The following HNF4A variants were observed in gnomAD, a reference collection of about 807,000 sequenced individuals.
The protein encoded by HNF4A is hepatocyte nuclear factor 4-alpha.
HNF4A carries 15 observed loss-of-function variants against 52.4 expected under a neutral mutation model. The ratio of observed to expected loss-of-function variants is 0.29; its 90% CI spans 0.19 to 0.44. The LOEUF is 0.44. Ranked by LOEUF, HNF4A falls within the 20% of genes least tolerant of loss-of-function variation. The pLI, the probability that HNF4A is intolerant of heterozygous loss-of-function variation, is 1.00. For missense variants in HNF4A, 479 were observed against 647.2 expected (o/e 0.74, Z 2.82); for synonymous variants, 280 against 264.4 (o/e 1.06, Z -0.57).
upstream of HNF4A, among the ~76,000 whole-genome samples, chr20:44,399,298 T>C (rs754755369): frequency 6.6e-6 from 1 of 152,202 alleles, no homozygotes; most frequent in Non-Finnish European, 1.5e-5. Flanking sequence ...ATCATCTTTC[T>C]ATTTTACAGA....
chr20:44,433,005 T>C (rs765018090), downstream of HNF4A: 11 of 152,166 alleles, frequency 7.2e-5, no homozygotes, highest in Admixed American at 3.3e-4. Context: ...AATTTTTCAG[T>C]CTTCACATCA....
At chr20:44,424,280 G>C in intron 8 of HNF4A, 26 bp downstream of exon 8, 2 of 1,611,908 alleles carry the variant, frequency 1.2e-6, no homozygotes, top group Non-Finnish European at 1.7e-6. Context: ...AGGAGGGGCG[G>C]GGTTGGAGTG....
chr20:44,408,374 G>A (rs559988739), intron 3 of HNF4A, among the ~76,000 whole-genome samples: 1 of 152,224 alleles, frequency 6.6e-6, no homozygotes, highest in South Asian at 2.1e-4. Flanking sequence ...AGATACCAGG[G>A]ACATTTAAAA....
At chr20:44,408,700 C>T (rs908069056) in intron 3 of HNF4A, among the ~76,000 whole-genome samples, 3 of 152,114 alleles carry the variant, frequency 2.0e-5, no homozygotes, top group African/African-American at 7.2e-5. Flanking sequence ...GCACTCCAGA[C>T]TGGGCAAGAC....
At chr20:44,371,353 C>T (rs1228235256) in intron 1 of HNF4A, among the ~76,000 whole-genome samples, 2 of 152,212 alleles carry the variant, frequency 1.3e-5, no homozygotes, top group African/African-American at 4.8e-5. Flanking sequence ...TCTGGGCTCA[C>T]TGCAATCTCC....
intron 2 of HNF4A, 28 bp downstream of exon 2, chr20:44,406,260 G>A (rs781597614): frequency 6.2e-7 from 1 of 1,605,286 alleles, no homozygotes; most frequent in Non-Finnish European, 8.5e-7. Flanking sequence ...CTTCAGCTGG[G>A]AAATGGGCAC....
chr20:44,380,846 T>A (rs1352052218), intron 1 of HNF4A, among the ~76,000 whole-genome samples: 1 of 152,234 alleles, frequency 6.6e-6, no homozygotes, highest in Admixed American at 6.5e-5. Context: ...CCAAATCTAA[T>A]ATCATGAAGC....
chr20:44,361,684 A>G (rs1444221551), intron 1 of HNF4A, among the ~76,000 whole-genome samples: 1 of 151,850 alleles, frequency 6.6e-6, no homozygotes, highest in Non-Finnish European at 1.5e-5. Flanking sequence ...TCTCAAAACC[A>G]AACCAAAACA....
intron 5 of HNF4A, among the ~76,000 whole-genome samples, chr20:44,414,904 A>C (rs1441133193): frequency 6.6e-6 from 1 of 152,186 alleles, no homozygotes; most frequent in Non-Finnish European, 1.5e-5. Context: ...ATAGGTGAGG[A>C]GATTGGGGCA....
chr20:44,429,551 G>GA lies in HNF4A; in HGVS notation c.1311_1312insA (p.Pro438ThrfsTer7). 6.2e-7 allele frequency: 1 copy of GA among 1,613,936 alleles called. No individual in the cohort carries two copies. Among genetic ancestry groups the GA allele is most frequent in the Non-Finnish European group, 8.5e-7 (1 of 1,179,958 alleles). On this transcript the variant is annotated frameshift_variant, in exon 10 of 10. Coordinates refer to ENST00000316099, the MANE Select transcript of HNF4A (RefSeq NM_000457.6). LOFTEE classifies it high-confidence loss of function. ...CCCCTGAGACCCCACAGCCCTCACC[G>GA]CCAGGTGGCTCAGGGTCTGAGCCCT...
chr20:44,376,409 C>T (rs1404396603), intron 1 of HNF4A, among the ~76,000 whole-genome samples: 3 of 151,938 alleles, frequency 2.0e-5, no homozygotes, highest in African/African-American at 4.8e-5. Context: ...AGATGGTTGA[C>T]TTTTTTTTAT....
chr20:44,399,501 T>C (rs2063383230), upstream of HNF4A, among the ~76,000 whole-genome samples: 1 of 152,072 alleles, frequency 6.6e-6, no homozygotes, highest in Non-Finnish European at 1.5e-5. Flanking sequence ...TCAGATCAAG[T>C]GGACAGAATA....
chr20:44,367,472 C>T (rs1568690130), intron 1 of HNF4A, among the ~76,000 whole-genome samples: 1 of 150,248 alleles, frequency 6.7e-6, no homozygotes, highest in South Asian at 2.1e-4. Context: ...GGTGAAATGC[C>T]GTCTTTACTA....
At chr20:44,416,466 G>C (rs1408572139) in intron 5 of HNF4A, among the ~76,000 whole-genome samples, 1 of 152,266 alleles carries the variant, frequency 6.6e-6, no homozygotes, top group African/African-American at 2.4e-5. Flanking sequence ...TTCGCGATGT[G>C]AAGGCCACTG....
At chr20:44,368,156 ATATATTT>A (rs2062991566) in intron 1 of HNF4A, among the ~76,000 whole-genome samples, 1 of 12,994 alleles carries the variant, frequency 7.7e-5, no homozygotes, top group Non-Finnish European at 1.4e-4. Flanking sequence ...ATATATATAT[ATATATTT>A]TTTTTTTTTT....
chr20:44,421,012 G>A (rs1306733449), intron 7 of HNF4A, among the ~76,000 whole-genome samples: 2 of 152,048 alleles, frequency 1.3e-5, no homozygotes, highest in East Asian at 3.8e-4. Context: ...ATCCATTTTG[G>A]ATCATAATGT....
At chr20:44,369,280 T>TAAAAGG (rs2063007018) in intron 1 of HNF4A, among the ~76,000 whole-genome samples, 1 of 67,476 alleles carries the variant, frequency 1.5e-5, no homozygotes, top group Admixed American at 1.8e-4. Context: ...AAAAAAAAAC[T>TAAAAGG]GGGCCGGCCA....
intron 1 of HNF4A, among the ~76,000 whole-genome samples, chr20:44,401,922 A>G (rs919728412): frequency 6.6e-6 from 1 of 151,838 alleles, no homozygotes; most frequent in African/African-American, 2.4e-5. Flanking sequence ...TGGTGGTTGG[A>G]GACATAACCG....
chr20:44,388,381 A>G lies in HNF4A; in HGVS notation c.50-17677A>G, dbSNP rs6017337. The stretch of plus-strand genomic sequence containing the variant: ...GGAACCTTCCTCAAAGACCCCCCCC[A>G]CCCCCGTACATTGGAACAAGGTGCT... On this transcript the variant is annotated intron_variant, in intron 1 of 9. Coordinates refer to the HNF4A transcript ENST00000316673. 9.7e-3 allele frequency among the ~76,000 whole-genome samples: 741 copies of G among 76,174 alleles called. 159 individuals carry two copies. Among genetic ancestry groups the G allele is most frequent in the African/African-American group, 0.068 (710 of 10,438 alleles). The allele number at this position is 76,174 out of a possible 152,430, so 50.0% of individuals were successfully genotyped here. A position where few individuals can be genotyped will look rare whatever the true frequency, so the allele number is the denominator to read the frequency against.
Sources: gnomAD v4.1 joint callset for allele counts (sites outside exome capture counted in the v4.1 genomes callset) on GRCh38, gnomAD v4.1.1 for gene constraint, MANE v1.5 for transcripts, NCBI Gene and HGNC (gene_info 2026-07-23, HGNC 2026-07-21) for gene names.